Variants in LIPH observed in about 807,000 individuals in gnomAD.
LIPH encodes the protein lipase H, also known as lipase member H.
A neutral mutation model predicts 47.6 loss-of-function variants in LIPH; 32 were observed. The observed-to-expected ratio is 0.67, with a 90% CI of 0.51 to 0.90. The LOEUF is 0.90. LIPH is among the 40% of genes least tolerant of loss of function. LIPH has a pLI of 0.00. For synonymous variants in LIPH, 190 were observed against 195.6 expected, an observed-to-expected ratio of 0.97 and a Z score of 0.24; for missense variants, 497 against 541.4, an observed-to-expected ratio of 0.92 and a Z score of 0.81.
At chr3:185,536,096 C>A (rs185434097) in intron 1 of LIPH, among the ~76,000 whole-genome samples, 1 of 152,150 alleles carries the variant, frequency 6.6e-6, no homozygotes, top group African/African-American at 2.4e-5. Context: ...ACCTTGTTGA[C>A]GACACAATGA....
chr3:185,526,631 ATAAAAT>A, intron 4 of LIPH, among the ~76,000 whole-genome samples: 1 of 22,752 alleles, frequency 4.4e-5, no homozygotes, highest in Non-Finnish European at 1.9e-4. Context: ...AAAATAAAAT[ATAAAAT>A]AAATAAAATA....
chr3:185,549,086 G>A (rs998157602), intron 1 of LIPH, among the ~76,000 whole-genome samples: 5 of 149,768 alleles, frequency 3.3e-5, no homozygotes, highest in Admixed American at 6.7e-5. Context: ...AGCCGAGATC[G>A]CACCACTGCA....
At chr3:185,524,749 C>T (rs1424541190) in intron 4 of LIPH, among the ~76,000 whole-genome samples, 14 of 152,036 alleles carry the variant, frequency 9.2e-5, no homozygotes, top group Admixed American at 9.2e-4. Context: ...GCGCCTGGCC[C>T]CATTTCTTCC....
chr3:185,549,912 G>A (rs1188996452), intron 1 of LIPH, among the ~76,000 whole-genome samples: 1 of 152,204 alleles, frequency 6.6e-6, no homozygotes, highest in Admixed American at 6.5e-5. Context: ...GATCTACTAA[G>A]TTTGGATTTT....
At chr3:185,527,681 A>G (rs2148954963) in intron 3 of LIPH, 96 bp from the exon 4 acceptor site, 1 of 799,968 alleles carries the variant, frequency 1.3e-6, no homozygotes, top group Non-Finnish European at 2.2e-6. Flanking sequence ...CCCAGGCTGC[A>G]GGGCACCCTC....
intron 8 of LIPH, among the ~76,000 whole-genome samples, chr3:185,512,741 G>A (rs938404188): frequency 2.6e-5 from 4 of 151,508 alleles, no homozygotes; most frequent in Admixed American, 2.0e-4. Context: ...CGCCTGCCTC[G>A]GCCTCCCAAG....
intron 1 of LIPH, among the ~76,000 whole-genome samples, chr3:185,535,664 G>A (rs1258512164): frequency 5.3e-5 from 8 of 152,074 alleles, no homozygotes; most frequent in South Asian, 2.1e-4. Flanking sequence ...GTGCAGTGGT[G>A]CAATCTCAGC....
At chr3:185,523,378 A>C (rs191077940) in intron 5 of LIPH, among the ~76,000 whole-genome samples, 256 of 152,278 alleles carry the variant, frequency 1.7e-3, no homozygotes, top group African/African-American at 6.0e-3. Flanking sequence ...TACTGCACGT[A>C]GAATAATGTC....
chr3:185,510,593 G>T (rs1333609125), intron 9 of LIPH, among the ~76,000 whole-genome samples: 1 of 152,010 alleles, frequency 6.6e-6, no homozygotes, highest in Non-Finnish European at 1.5e-5. Flanking sequence ...TAATACTTTT[G>T]TACTGTCAAG....
intron 4 of LIPH, among the ~76,000 whole-genome samples, chr3:185,525,361 A>G (rs113614023): frequency 2.7e-4 from 41 of 152,296 alleles, no homozygotes; most frequent in Middle Eastern, 3.4e-3. Context: ...TATATACATA[A>G]TGCATCATAG....
chr3:185,521,603 G>A (rs1471499738), intron 5 of LIPH, among the ~76,000 whole-genome samples: 1 of 152,172 alleles, frequency 6.6e-6, no homozygotes, highest in African/African-American at 2.4e-5. Context: ...AAACCAGGCA[G>A]GCAATCAAGA....
At chr3:185,546,651 T>C (rs1407213324) in intron 1 of LIPH, among the ~76,000 whole-genome samples, 1 of 152,132 alleles carries the variant, frequency 6.6e-6, no homozygotes, top group East Asian at 1.9e-4. Flanking sequence ...AATCAAAAAG[T>C]TAGCTGGGCG....
chr3:185,520,527 A>C (rs529665993), intron 5 of LIPH, among the ~76,000 whole-genome samples: 2 of 149,338 alleles, frequency 1.3e-5, no homozygotes, highest in Non-Finnish European at 3.0e-5. Context: ...AAAAAAAAAG[A>C]AAAAAAAAAG....
chr3:185,546,364 A>AT (rs1427273195), intron 1 of LIPH, among the ~76,000 whole-genome samples: 2 of 151,400 alleles, frequency 1.3e-5, no homozygotes, highest in Non-Finnish European at 2.9e-5. Flanking sequence ...AAAAAAAAAA[A>AT]AAAAAAAATT....
intron 4 of LIPH, among the ~76,000 whole-genome samples, chr3:185,525,531 A>G (rs1720041770): frequency 6.6e-6 from 1 of 152,006 alleles, no homozygotes; most frequent in Non-Finnish European, 1.5e-5. Flanking sequence ...TAATCCTAGC[A>G]CTTTGGGAGG....
intron 1 of LIPH, among the ~76,000 whole-genome samples, chr3:185,537,452 C>A (rs2079837991): frequency 6.6e-6 from 1 of 152,132 alleles, no homozygotes; most frequent in South Asian, 2.1e-4. Context: ...TTTCTCCATC[C>A]CTTGGCCTCT....
intron 1 of LIPH, among the ~76,000 whole-genome samples, chr3:185,547,895 A>G (rs1342009514): frequency 2.6e-5 from 4 of 152,060 alleles, no homozygotes; most frequent in African/African-American, 2.4e-5. Context: ...TAACAGATAC[A>G]TTTTCAAGTA....
rs1324509098 is a variant in LIPH, at chr3:185,524,203, T to G, written c.629-43A>C. ...CTGCTTTTATACTCCTTTGAATTTT[T>G]CCTATCTCACAGCTCATTTGCCTGC... On this transcript the variant is annotated intron_variant, in intron 4 of 9. Coordinates refer to ENST00000296252, the MANE Select transcript of LIPH (RefSeq NM_139248.3). 3 of 1,186,898 alleles carry G rather than the reference T, an allele frequency of 2.5e-6. No homozygotes were observed. The Admixed American group carries it at 5.1e-5, about 20-fold the overall frequency. The allele number at this position is 1,186,898 out of a possible 1,614,324, so 73.5% of individuals were successfully genotyped here.
chr3:185,527,451 G>A (rs372121708), intron 4 of LIPH, 33 bp downstream of exon 4: 25 of 1,393,188 alleles, frequency 1.8e-5, no homozygotes, highest in South Asian at 2.3e-5. Context: ...GGAGCCTGGC[G>A]GTGTCACTGA....
Sources: gnomAD v4.1 joint callset for allele counts (sites outside exome capture counted in the v4.1 genomes callset) on GRCh38, gnomAD v4.1.1 for gene constraint, MANE v1.5 for transcripts, NCBI Gene and HGNC (gene_info 2026-07-23, HGNC 2026-07-21) for gene names.